The following USP19 variants were observed in gnomAD, a reference collection of about 807,000 sequenced individuals.
USP19 encodes the protein ubiquitin carboxyl-terminal hydrolase 19.
In USP19, 40 loss-of-function variants were observed where a neutral mutation model predicts 144.8. That is an observed-to-expected ratio of 0.28 (90% CI 0.21 to 0.36). USP19 has a LOEUF of 0.36. Ranked by LOEUF, USP19 falls within the 10% of genes least tolerant of loss-of-function variation. The probability of loss-of-function intolerance (pLI) is 1.00; values close to 1 mark genes in which losing one functional copy is unlikely to be tolerated. For missense variants in USP19, 1,518 were observed against 1,822.5 expected (o/e 0.83, Z 3.04); for synonymous variants, 701 against 709.3 (o/e 0.99, Z 0.19).
Position 49,115,131 on chromosome 3 carries a change from C to T in USP19, c.2023-14G>A. The T allele has an allele frequency of 6.2e-7, 1 of 1,613,244 alleles. No homozygotes were observed. Among genetic ancestry groups the T allele is most frequent in the Non-Finnish European group, 8.5e-7 (1 of 1,179,430 alleles). On this transcript the variant is annotated splice_polypyrimidine_tract_variant and intron_variant, in intron 13 of 26. Coordinates refer to ENST00000417901, the MANE Select transcript of USP19 (RefSeq NM_001199161.2). This position sits in a 1 kb window ranked among gnomAD's most constrained non-coding sequence, Gnocchi z 6.6. ...CGCCACAATGGCCTGGATACAGGAG[C>T]CAAGGTGTGAACATGAAGCCCTAGC...
chr3:49,109,769 T>C (rs756112494), intron 26 of USP19, among the ~76,000 whole-genome samples: 2 of 152,216 alleles, frequency 1.3e-5, no homozygotes, highest in Non-Finnish European at 2.9e-5. Context: ...CCAGAGGCCA[T>C]GGCCAGCCCA....
Position 49,108,444 on chromosome 3 carries a change from G to T in USP19, c.4123C>A (p.Pro1375Thr). The change falls in exon 27 of 27, where the codon CCC becomes ACC. Residue 1375 changes from proline to threonine, a missense_variant. This residue lies in a region of USP19 where 118 missense variants were observed against 100.2 expected (regional missense o/e 1.18). Transcript: ENST00000417901. The surrounding 1 kb of genome is among the most constrained non-coding windows in gnomAD (Gnocchi z 4.8). ...ACCTCCTCCATGTTGCTGTAGGTGG[G>T]GGCTGGCCGATCCACAGGGGGGGCG... ...RFAPPVDRPA[P>T]TYSNMEEVD is the part of the protein sequence containing the mutation. The T allele has an allele frequency of 7.3e-7, 1 of 1,374,488 alleles. No homozygotes were observed. Among genetic ancestry groups the T allele is most frequent in the Non-Finnish European group, 9.5e-7 (1 of 1,052,386 alleles). The allele number at this position is 1,374,488 out of a possible 1,614,324, so 85.1% of individuals were successfully genotyped here. A position where few individuals can be genotyped will look rare whatever the true frequency, so the allele number is the denominator to read the frequency against.
In USP19 at chr3:49,110,118, C is replaced by G; in HGVS notation, c.4038+66G>C. On this transcript the variant is annotated intron_variant, in intron 26 of 26. Transcript: ENST00000417901. This position sits in a 1 kb window ranked among gnomAD's most constrained non-coding sequence, Gnocchi z 6.1. Reference sequence around the variant, plus strand: ...GTGGCTGGAGGAGAGGAAGCTATATCCCCCAACCCGGCCCCAGTCTGTGAA... The same window carrying G: ...GTGGCTGGAGGAGAGGAAGCTATATGCCCCAACCCGGCCCCAGTCTGTGAA... 1 of 1,441,170 alleles carries G rather than the reference C, an allele frequency of 6.9e-7. No homozygotes were observed. The highest frequency in any genetic ancestry group is 9.1e-7 in the Non-Finnish European group (1 of 1,100,232). The allele number at this position is 1,441,170 out of a possible 1,614,324, so 89.3% of individuals were successfully genotyped here. A position where few individuals can be genotyped will look rare whatever the true frequency, so the allele number is the denominator to read the frequency against.
At position 49,114,679 on chromosome 3, in the gene USP19, T is replaced by A; in HGVS notation, c.2292+84A>T. 1 of 1,464,406 alleles carries A rather than the reference T, an allele frequency of 6.8e-7. No individual in the cohort carries two copies. The allele number at this position is 1,464,406 out of a possible 1,614,324, so 90.7% of individuals were successfully genotyped here. A position where few individuals can be genotyped will look rare whatever the true frequency, so the allele number is the denominator to read the frequency against. ...GCCCAAACCTTGCCCTGTAGCACCT[T>A]AAGATGCACATGCCTCTGAACCTAA... is the stretch of plus-strand genomic sequence containing the variant. On this transcript the variant is annotated intron_variant, in intron 15 of 26. Transcript: ENST00000417901. This position sits in a 1 kb window ranked among gnomAD's most constrained non-coding sequence, Gnocchi z 4.5.
In USP19 at chr3:49,111,546, A is replaced by C. The variant is rs1178406595; in HGVS notation, c.3171T>G (p.Ile1057Met). ...CGCCAGCTGGCAAGGAGCCAACCTC[A>C]ATGGGCCCACTGGCCAGCATCTCAG... ...ISSEMLASGP[I>M]EVGSLPAGER... The change falls in exon 21 of 27, where the codon ATT becomes ATG. Residue 1057 changes from isoleucine to methionine, a missense_variant. Physicochemically the swap from Ile to Met is conservative, Grantham distance 10. Coordinates refer to ENST00000417901, the MANE Select transcript of USP19 (RefSeq NM_001199161.2). The surrounding 1 kb of genome is among the most constrained non-coding windows in gnomAD (Gnocchi z 5.9). 6.2e-7 allele frequency: 1 copy of C among 1,612,608 alleles called. No homozygotes were observed. Among genetic ancestry groups the C allele is most frequent in the Non-Finnish European group, 8.5e-7 (1 of 1,180,018 alleles).
At chr3:49,113,570 G>A (rs185050272) in intron 17 of USP19, among the ~76,000 whole-genome samples, 2,371 of 150,408 alleles carry the variant, frequency 0.016, 39 homozygotes, top group Middle Eastern at 0.036. Flanking sequence ...GAGCCACCAC[G>A]CCTGGCCCTA....
In USP19 at chr3:49,114,341, C is replaced by T; in HGVS notation, c.2293-57G>A. On this transcript the variant is annotated intron_variant, in intron 15 of 26. Transcript: ENST00000417901. The surrounding 1 kb of genome is among the most constrained non-coding windows in gnomAD (Gnocchi z 4.5). ...CACACAGAGTGGGAGATAAGATGCT[C>T]ATGCTCAGAGAGCCCATTCCGGGGC... The T allele has an allele frequency of 7.1e-6, 11 of 1,552,012 alleles. No individual in the cohort carries two copies. Among genetic ancestry groups the T allele is most frequent in the South Asian group, 6.8e-5 (6 of 87,968 alleles).
Position 49,119,231 on chromosome 3 carries a change from G to C in USP19, c.-86C>G. On this transcript the variant is annotated 5_prime_UTR_variant, in exon 2 of 27. Transcript: ENST00000417901. ...GCTGCGGCGCTTTCTTCCTGGCCCA[G>C]CTATCTTGGCAACTCTTTGTGGCCA... 1 of 1,514,918 alleles carries C rather than the reference G, an allele frequency of 6.6e-7. No homozygotes were observed. Among genetic ancestry groups the C allele is most frequent in the Non-Finnish European group, 8.8e-7 (1 of 1,136,344 alleles). The allele number at this position is 1,514,918 out of a possible 1,614,324, so 93.8% of individuals were successfully genotyped here. A position where few individuals can be genotyped will look rare whatever the true frequency, so the allele number is the denominator to read the frequency against.
chr3:49,120,215 G>A (rs2044967221), intron 1 of USP19, among the ~76,000 whole-genome samples: 1 of 152,208 alleles, frequency 6.6e-6, no homozygotes, highest in African/African-American at 2.4e-5. Flanking sequence ...CCAGTAGCAG[G>A]ACAGATAATG....
chr3:49,117,429 G>A lies in USP19; in HGVS notation c.606+8C>T. ...ATCCCTACCCAACCCTGTACTACTA[G>A]AACTCACCAGGAGGGAGGGCCACGT... is the stretch of plus-strand genomic sequence containing the variant. On this transcript the variant is annotated splice_region_variant and intron_variant, in intron 5 of 26. Transcript: ENST00000417901. This position sits in a 1 kb window ranked among gnomAD's most constrained non-coding sequence, Gnocchi z 4.4. 1.2e-6 allele frequency: 2 copies of A among 1,614,094 alleles called. No individual in the cohort carries two copies. The highest frequency in any genetic ancestry group is 1.7e-6 in the Non-Finnish European group (2 of 1,180,008).
Position 49,112,238 on chromosome 3 carries a change from A to G in USP19, c.2765+46T>C, listed in dbSNP as rs367823505. 9 of 1,571,810 alleles carry G rather than the reference A, an allele frequency of 5.7e-6. No homozygotes were observed. Among genetic ancestry groups the G allele is most frequent in the Non-Finnish European group, 7.8e-6 (9 of 1,158,692 alleles). ...GTGAAGGGAAGGAGCAGGGTGGCACATGGAAGGTGGAAAGAAAGGGTAGGG... is the reference window on the plus strand; with the variant it reads ...GTGAAGGGAAGGAGCAGGGTGGCACGTGGAAGGTGGAAAGAAAGGGTAGGG... On this transcript the variant is annotated intron_variant, in intron 19 of 26. Coordinates refer to ENST00000417901, the MANE Select transcript of USP19 (RefSeq NM_001199161.2). The surrounding 1 kb of genome is among the most constrained non-coding windows in gnomAD (Gnocchi z 4.9).
At position 49,108,781 on chromosome 3, in the gene USP19, G is replaced by A. The variant is rs1027795574; in HGVS notation, c.4039-253C>T. The A allele has an allele frequency of 1.7e-5, 24 of 1,412,958 alleles. No individual in the cohort carries two copies. Among genetic ancestry groups the A allele is most frequent in the Non-Finnish European group, 2.1e-5 (23 of 1,087,426 alleles). The allele number at this position is 1,412,958 out of a possible 1,614,324, so 87.5% of individuals were successfully genotyped here. On this transcript the variant is annotated intron_variant, in intron 26 of 26. Coordinates refer to ENST00000417901, the MANE Select transcript of USP19 (RefSeq NM_001199161.2). This position sits in a 1 kb window ranked among gnomAD's most constrained non-coding sequence, Gnocchi z 4.8. ...GAGCAGCAGGATGAATGGACAGACA[G>A]CCAGATGGATACACACCCTAGGATA...
In USP19 at chr3:49,110,707, T is replaced by G. The variant is rs781313579; in HGVS notation, c.3698+4A>C. 4 of 1,613,798 alleles carry G rather than the reference T, an allele frequency of 2.5e-6. No individual in the cohort carries two copies. In the South Asian group the frequency reaches 4.4e-5, roughly 18 times the overall value. On this transcript the variant is annotated splice_donor_region_variant and intron_variant, in intron 24 of 26. Coordinates refer to ENST00000417901, the MANE Select transcript of USP19 (RefSeq NM_001199161.2). The surrounding 1 kb of genome is among the most constrained non-coding windows in gnomAD (Gnocchi z 6.1). ...ACCCACAGTTACCAAGGTCCACTGC[T>G]TACCTAACAGGGAACTCCACCAAGT...
At chr3:49,119,390 A>T in intron 1 of USP19, 109 bp from the exon 2 acceptor site, 2 of 461,552 alleles carry the variant, frequency 4.3e-6, no homozygotes, top group Admixed American at 7.9e-5. Flanking sequence ...GTATCTTCTC[A>T]TCTCTTAAGT....
Position 49,112,591 on chromosome 3 carries a change from G to A in USP19, c.2544C>T (p.Ser848=). 5 of 1,614,076 alleles carry A rather than the reference G, an allele frequency of 3.1e-6. No homozygotes were observed. The highest frequency in any genetic ancestry group is 4.2e-6 in the Non-Finnish European group (5 of 1,179,952). ...ATGGGGACACAGTGTCCAGTGAGTGGGAGGGTAGGAACACACGATGAAAAC... is the reference window on the plus strand; with the variant it reads ...ATGGGGACACAGTGTCCAGTGAGTGAGAGGGTAGGAACACACGATGAAAAC... ...KNRFHRVFLP[S]HSLDTVSPSD... The change falls in exon 18 of 27, where the codon TCC becomes TCT. Residue 848 remains serine (S), a synonymous_variant. Coordinates refer to ENST00000417901, the MANE Select transcript of USP19 (RefSeq NM_001199161.2). This position sits in a 1 kb window ranked among gnomAD's most constrained non-coding sequence, Gnocchi z 4.9.
rs762855184 is a variant in USP19, at chr3:49,114,956, G to T, written c.2181+3C>A. The T allele has an allele frequency of 8.1e-6, 13 of 1,614,018 alleles. No homozygotes were observed. In the Admixed American group the frequency reaches 1.7e-4, roughly 21 times the overall value. ...ATGCCCACCCTCTGTCCCTAACCCT[G>T]ACCTCATCGGGCCGCCCATCTGAAT... On this transcript the variant is annotated splice_donor_region_variant and intron_variant, in intron 14 of 26. Transcript: ENST00000417901. The surrounding 1 kb of genome is among the most constrained non-coding windows in gnomAD (Gnocchi z 4.5).
At position 49,108,460 on chromosome 3, in the gene USP19, A is replaced by AG. The variant is rs748599651; in HGVS notation, c.4106dup (p.Val1370CysfsTer43). On this transcript the variant is annotated frameshift_variant, in exon 27 of 27. Coordinates refer to ENST00000417901, the MANE Select transcript of USP19 (RefSeq NM_001199161.2). LOFTEE classifies it high-confidence loss of function. This position sits in a 1 kb window ranked among gnomAD's most constrained non-coding sequence, Gnocchi z 4.8. ...TGTAGGTGGGGGCTGGCCGATCCACAGGGGGGGCGAAGCGTTCAGGGGCTG... is the reference window on the plus strand; with the variant it reads ...TGTAGGTGGGGGCTGGCCGATCCACAGGGGGGGGCGAAGCGTTCAGGGGCTG... 3.9e-5 allele frequency: 53 copies of AG among 1,346,416 alleles called. No homozygotes were observed. The highest frequency in any genetic ancestry group is 7.2e-5 in the South Asian group (4 of 55,618). 83.4% of individuals were successfully genotyped at this position (1,346,416 alleles called of 1,614,324 possible).
In USP19 at chr3:49,112,629, C is replaced by T. The variant is rs768552479; in HGVS notation, c.2506G>A (p.Val836Ile). ...ACACGATGAAAACGATTCTTAATTA[C>T]CTGGGGACAGAGAACACACAGATCC... ...VKPENLRLAE[V>I]IKNRFHRVFL... Residue 836 changes from valine to isoleucine, a missense_variant and splice_region_variant, in exon 18 of 27, where the codon GTA (valine) becomes ATA (isoleucine). Val to Ile is a conservative substitution (Grantham distance 29). Coordinates refer to ENST00000417901, the MANE Select transcript of USP19 (RefSeq NM_001199161.2). This position sits in a 1 kb window ranked among gnomAD's most constrained non-coding sequence, Gnocchi z 4.9. 3.7e-6 allele frequency: 6 copies of T among 1,612,024 alleles called. No individual in the cohort carries two copies. The highest frequency in any genetic ancestry group is 1.7e-4 in the Middle Eastern group (1 of 6,054).
At position 49,114,847 on chromosome 3, in the gene USP19, C is replaced by T; in HGVS notation, c.2208G>A (p.Arg736=). ...DEVVAEEAWQ[R]HKMRNDSFIV... is the part of the protein sequence containing the mutation. ...TGAAAGAGTCATTCCTCATCTTGTG[C>T]CGCTGCCATGCTTCCTCAGCTACCA... The change falls in exon 15 of 27, where the codon CGG becomes CGA. Residue 736 remains arginine (R), a synonymous_variant. Transcript: ENST00000417901. This position sits in a 1 kb window ranked among gnomAD's most constrained non-coding sequence, Gnocchi z 4.5. 2.5e-6 allele frequency: 4 copies of T among 1,614,162 alleles called. No homozygotes were observed. In the African/African-American group the frequency reaches 4.0e-5, roughly 16 times the overall value.
Sources: allele counts gnomAD v4.1 joint callset (sites outside exome capture counted in the v4.1 genomes callset), GRCh38; gene constraint gnomAD v4.1.1; regional missense constraint gnomAD v4.1.1; non-coding constraint Gnocchi (gnomAD v3.1); transcripts MANE v1.5; gene names NCBI Gene and HGNC (gene_info 2026-07-23, HGNC 2026-07-21).